RBBP6: variants seen among roughly 807,000 people sequenced by gnomAD.
RBBP6 encodes the protein E3 ubiquitin-protein ligase RBBP6.
A neutral mutation model predicts 167.7 loss-of-function variants in RBBP6; 25 were observed. The ratio of observed to expected loss-of-function variants is 0.15; its 90% CI spans 0.11 to 0.21. The LOEUF (loss-of-function observed/expected upper bound fraction) is 0.21, where lower values mean the gene tolerates loss of function less well. Ranked by LOEUF, RBBP6 falls within the 10% of genes least tolerant of loss-of-function variation. RBBP6 has a pLI of 1.00. For synonymous variants in RBBP6, 789 were observed against 735.8 expected (o/e 1.07, Z -1.17); for missense variants, 1,868 against 2,134.2 (o/e 0.88, Z 2.46).
chr16:24,569,583 G>A lies in RBBP6; in HGVS notation c.2893G>A (p.Gly965Ser). 1.2e-6 allele frequency: 2 copies of A among 1,612,638 alleles called. No homozygotes were observed. Among genetic ancestry groups the A allele is most frequent in the Non-Finnish European group, 1.7e-6 (2 of 1,179,666 alleles). ...ETSRKSREPT[G>S]VEENKTDSLF... The stretch of plus-strand genomic sequence containing the variant: ...TTCTAGGAAATCAAGAGAACCTACA[G>A]GTGTTGAAGAAAATAAAACAGACTC... The change falls in exon 17 of 18, where the codon GGT (glycine) becomes AGT (serine). Residue 965 changes from glycine to serine, a missense_variant. Physicochemically the swap from Gly to Ser is moderately conservative, Grantham distance 56. Transcript: ENST00000319715.
chr16:24,554,614 T>G (rs1898871486), intron 4 of RBBP6: 1 of 152,116 alleles, frequency 6.6e-6, no homozygotes, highest in South Asian at 2.1e-4. Flanking sequence ...TATAATTTTC[T>G]AATGCAAAGT....
Position 24,548,996 on chromosome 16 carries a change from A to C in RBBP6, c.303+15A>C. On this transcript the variant is annotated intron_variant, in intron 3 of 17. Coordinates refer to ENST00000319715, the MANE Select transcript of RBBP6 (RefSeq NM_006910.5). ...CTACAAAAGCAGTATGTAAAAACAC[A>C]ATCTCACACTTTTTCTACACATTGC... The C allele has an allele frequency of 6.2e-7, 1 of 1,610,700 alleles. No individual in the cohort carries two copies.
In RBBP6 at chr16:24,567,441, A is replaced by G. The variant is rs1314585781; in HGVS notation, c.1888A>G (p.Thr630Ala). ...GACAGCTCATTCAAATACCATCCCA[A>G]CAACACAAGCACCACCTTTGTCCAG... ...VQTAHSNTIPTTQAPPLSREE... is the reference protein window; with the variant it reads ...VQTAHSNTIPATQAPPLSREE... Residue 630 changes from threonine (T) to alanine (A), a missense_variant, in exon 15 of 18, where the codon ACA (threonine) becomes GCA (alanine). Around this residue, in one of 7 missense-constraint regions of RBBP6, gnomAD observed 145 missense variants for 224.3 expected, o/e 0.65. Coordinates refer to ENST00000319715, the MANE Select transcript of RBBP6 (RefSeq NM_006910.5). The G allele has an allele frequency of 6.2e-7, 1 of 1,613,990 alleles. No individual in the cohort carries two copies. Among genetic ancestry groups the G allele is most frequent in the East Asian group, 2.2e-5 (1 of 44,902 alleles).
chr16:24,572,633 G>T lies in RBBP6; in HGVS notation c.*188G>T. ...CACGAACTTTTGTACAGAATTGTGA[G>T]TTGTGACCATGTAACATGAGAGGTT... On this transcript the variant is annotated 3_prime_UTR_variant, in exon 18 of 18. Transcript: ENST00000319715. The T allele has an allele frequency of 1.2e-6, 1 of 803,784 alleles. No homozygotes were observed. 49.8% of individuals were successfully genotyped at this position (803,784 alleles called of 1,614,324 possible).
intron 7 of RBBP6, among the ~76,000 whole-genome samples, chr16:24,557,093 G>A (rs1178742599): frequency 2.8e-5 from 4 of 143,544 alleles, no homozygotes; most frequent in African/African-American, 1.0e-4. Flanking sequence ...CCACCTCCCA[G>A]GTTCACACCA....
Position 24,567,521 on chromosome 16 carries a change from T to C in RBBP6, c.1952+16T>C. 1 of 1,579,382 alleles carries C rather than the reference T, an allele frequency of 6.3e-7. No homozygotes were observed. Among genetic ancestry groups the C allele is most frequent in the Non-Finnish European group, 8.6e-7 (1 of 1,163,212 alleles). On this transcript the variant is annotated intron_variant, in intron 15 of 17. Transcript: ENST00000319715. ...TAAAAGAAGAGTATGTATTCTAATT[T>C]GAAATTATTATACACTTTTTTCATT...
intron 16 of RBBP6, 40 bp downstream of exon 16, chr16:24,567,933 G>C: frequency 4.0e-6 from 6 of 1,511,422 alleles, no homozygotes; most frequent in Non-Finnish European, 3.7e-6. Flanking sequence ...ATTACAAACG[G>C]GACTTTGAAT....
chr16:24,570,123 G>A lies in RBBP6; in HGVS notation c.3433G>A (p.Glu1145Lys). Residue 1145 changes from glutamate (E) to lysine (K), a missense_variant, in exon 17 of 18, where the codon GAA (glutamate) becomes AAA (lysine). Physicochemically the swap from Glu to Lys is moderately conservative, Grantham distance 56. Around this residue, in one of 7 missense-constraint regions of RBBP6, gnomAD observed 673 missense variants for 691.5 expected, o/e 0.97. Coordinates refer to ENST00000319715, the MANE Select transcript of RBBP6 (RefSeq NM_006910.5). ...EKNKPLDNKGEKRKRKTEEKG... is the reference protein window; with the variant it reads ...EKNKPLDNKGKKRKRKTEEKG... ...AAACAAACCACTTGATAATAAGGGA[G>A]AAAAAAGAAAAAGAAAAACTGAAGA... The A allele has an allele frequency of 6.3e-7, 1 of 1,587,310 alleles. No individual in the cohort carries two copies. Among genetic ancestry groups the A allele is most frequent in the Non-Finnish European group, 8.5e-7 (1 of 1,173,866 alleles).
rs1567268479 is a variant in RBBP6 at position 24,540,553 on chromosome 16, C to T, written c.-74C>T. 6 of 1,451,292 alleles carry T rather than the reference C, an allele frequency of 4.1e-6. No homozygotes were observed. Among genetic ancestry groups the T allele is most frequent in the African/African-American group, 2.8e-5 (2 of 70,266 alleles). 89.9% of individuals were successfully genotyped at this position (1,451,292 alleles called of 1,614,324 possible). A position where few individuals can be genotyped will look rare whatever the true frequency, so the allele number is the denominator to read the frequency against. ...GTGTTTTGTGTGTACATATTTTGCT[C>T]TTAAAGTTTATAAATATACGTATAT... On this transcript the variant is annotated 5_prime_UTR_variant, in exon 1 of 18. Coordinates refer to ENST00000319715, the MANE Select transcript of RBBP6 (RefSeq NM_006910.5).
intron 1 of RBBP6, among the ~76,000 whole-genome samples, chr16:24,542,068 T>C (rs998496051): frequency 4.6e-5 from 7 of 152,264 alleles, no homozygotes; most frequent in Admixed American, 3.3e-4. Flanking sequence ...AATGATATTA[T>C]GTGAAAATAC....
At position 24,570,276 on chromosome 16, in the gene RBBP6, G is replaced by A. The variant is rs756037673; in HGVS notation, c.3586G>A (p.Glu1196Lys). Residue 1196 changes from glutamate to lysine, a missense_variant, in exon 17 of 18, where the codon GAA (glutamate) becomes AAA (lysine). Glu to Lys is a moderately conservative substitution (Grantham distance 56). Coordinates refer to ENST00000319715, the MANE Select transcript of RBBP6 (RefSeq NM_006910.5). ...TACTGAAAAAATGGATAGGACCCCT[G>A]AAAAGGACAAAATTTCTTTAAGTGC... ...PDTEKMDRTP[E>K]KDKISLSAPA... 1 of 1,611,362 alleles carries A rather than the reference G, an allele frequency of 6.2e-7. No individual in the cohort carries two copies. The highest frequency in any genetic ancestry group is 1.1e-5 in the South Asian group (1 of 90,032).
intron 10 of RBBP6, among the ~76,000 whole-genome samples, chr16:24,562,414 T>A (rs1756875798): frequency 1.3e-5 from 2 of 152,188 alleles, no homozygotes; most frequent in Admixed American, 1.3e-4. Flanking sequence ...ACGTTGAATG[T>A]TCCATATACC....
In RBBP6 at chr16:24,561,722, G is replaced by C; in HGVS notation, c.951+7G>C. 6.2e-7 allele frequency: 1 copy of C among 1,611,944 alleles called. No homozygotes were observed. The highest frequency in any genetic ancestry group is 8.5e-7 in the Non-Finnish European group (1 of 1,178,172). On this transcript the variant is annotated splice_region_variant and intron_variant, in intron 9 of 17. Transcript: ENST00000319715. ...CAATAAATTTTTACGACAGGTAACT[G>C]TCTGTATCCATTTTATGAAAAAATT... is the stretch of plus-strand genomic sequence containing the variant.
intron 14 of RBBP6, among the ~76,000 whole-genome samples, chr16:24,565,816 T>G (rs1353978338): frequency 6.6e-6 from 1 of 152,162 alleles, no homozygotes; most frequent in African/African-American, 2.4e-5. Flanking sequence ...CTGGTAATTT[T>G]AGAGCTTTGG....
intron 1 of RBBP6, among the ~76,000 whole-genome samples, chr16:24,544,877 CCT>C (rs1898599670): frequency 6.6e-6 from 1 of 152,120 alleles, no homozygotes; most frequent in South Asian, 2.1e-4. Flanking sequence ...TGGCCTGATT[CCT>C]CTTTCTTCTT....
intron 3 of RBBP6, among the ~76,000 whole-genome samples, chr16:24,550,336 CTT>C (rs1215433221): frequency 7.3e-6 from 1 of 137,302 alleles, no homozygotes; most frequent in African/African-American, 2.7e-5. Flanking sequence ...TTTTTTTCCT[CTT>C]TTTGGATATG....
rs376132730 is a variant in RBBP6 at position 24,540,596 on chromosome 16, C to A, written c.-31C>A. 3.8e-5 allele frequency: 60 copies of A among 1,589,972 alleles called. No individual in the cohort carries two copies. Among genetic ancestry groups the A allele is most frequent in the Non-Finnish European group, 5.0e-5 (58 of 1,164,244 alleles). On this transcript the variant is annotated 5_prime_UTR_variant, in exon 1 of 18. Coordinates refer to ENST00000319715, the MANE Select transcript of RBBP6 (RefSeq NM_006910.5). ...ACGTATATTGAGAGTGTCCACGTCT[C>A]CTCGCTGAACCTTAGGAATCCCTTG...
intron 1 of RBBP6, among the ~76,000 whole-genome samples, chr16:24,542,689 T>C (rs1898534633): frequency 6.6e-6 from 1 of 152,112 alleles, no homozygotes; most frequent in African/African-American, 2.4e-5. Context: ...TCTCGAACTC[T>C]TGGCCTCAAG....
At chr16:24,564,616 A>G (rs907831790) in intron 13 of RBBP6, among the ~76,000 whole-genome samples, 181 bp from the exon 14 acceptor site, 1 of 152,214 alleles carries the variant, frequency 6.6e-6, no homozygotes, top group African/African-American at 2.4e-5. Context: ...GGTGGGGGAA[A>G]GTTAGTTTTA....
Sources: allele counts gnomAD v4.1 joint callset (sites outside exome capture counted in the v4.1 genomes callset), GRCh38; gene constraint gnomAD v4.1.1; regional missense constraint gnomAD v4.1.1; transcripts MANE v1.5; gene names NCBI Gene and HGNC (gene_info 2026-07-23, HGNC 2026-07-21).